The following CHST11 variants were observed in gnomAD, a reference collection of about 807,000 sequenced individuals.
CHST11 encodes the protein C4S-1.
CHST11 carries 9 observed loss-of-function variants against 30.4 expected under a neutral mutation model. The observed-to-expected ratio is 0.30, with a 90% confidence interval of 0.18 to 0.52. The LOEUF (loss-of-function observed/expected upper bound fraction) is 0.52, where lower values mean the gene tolerates loss of function less well. CHST11 is among the 20% of genes least tolerant of loss of function. The pLI is 0.97. For missense variants in CHST11, 348 were observed against 460.6 expected, an observed-to-expected ratio of 0.76 and a Z score of 2.24; for synonymous variants, 152 against 187.8, an observed-to-expected ratio of 0.81 and a Z score of 1.56.
In CHST11 at chr12:104,533,363, T is replaced by C. The variant is rs115009737; in HGVS notation, c.119-68543T>C. ...CGTCATGGATTCCTTTGTGGTTTTG[T>C]ACTTGGCCATGCTTTATCTTGGTTG... is the stretch of plus-strand genomic sequence containing the variant. On this transcript the variant is annotated intron_variant, in intron 1 of 2. Coordinates refer to ENST00000303694, the MANE Select transcript of CHST11 (RefSeq NM_018413.6). Among the ~76,000 whole-genome samples, 1,092 of 152,324 alleles carry C rather than the reference T, an allele frequency of 7.2e-3. 10 individuals are homozygous for C. Among genetic ancestry groups the C allele is most frequent in the African/African-American group, 0.024 (993 of 41,564 alleles).
chr12:104,721,383 G>T (rs1015979528), intron 2 of CHST11, among the ~76,000 whole-genome samples: 2 of 152,200 alleles, frequency 1.3e-5, no homozygotes, highest in African/African-American at 4.8e-5. Flanking sequence ...TGGGTCCAGG[G>T]CCCCACTGGC....
At chr12:104,610,521 T>C (rs10861250) in intron 2 of CHST11, among the ~76,000 whole-genome samples, 33,290 of 152,224 alleles carry the variant, frequency 0.22, 4,350 homozygotes, top group East Asian at 0.43. Context: ...GTAACACAGC[T>C]GTACAATCTG....
rs1458742221 is a variant in CHST11, at chr12:104,681,845, T to C, written c.205-75104T>C. Among the ~76,000 whole-genome samples the C allele has an allele frequency of 2.1e-5, 3 of 145,026 alleles. No homozygotes were observed. The South Asian group carries it at 6.7e-4, about 32-fold the overall frequency. On this transcript the variant is annotated intron_variant, in intron 2 of 2. Coordinates refer to ENST00000303694, the MANE Select transcript of CHST11 (RefSeq NM_018413.6). ...TTTTGCTTTTTTTTTTTTTTTTTTT[T>C]TTTGAGATGGAGTCTCGCTCTGTCG... is the stretch of plus-strand genomic sequence containing the variant.
At chr12:104,581,111 A>G (rs1482732011) in intron 1 of CHST11, among the ~76,000 whole-genome samples, 1 of 152,132 alleles carries the variant, frequency 6.6e-6, no homozygotes, top group East Asian at 1.9e-4. Context: ...TGCAGGAGCT[A>G]CTTCTCCCAT....
intron 1 of CHST11, among the ~76,000 whole-genome samples, chr12:104,524,837 A>C (rs2038108590): frequency 6.6e-6 from 1 of 152,166 alleles, no homozygotes; most frequent in Non-Finnish European, 1.5e-5. Context: ...TTTTAAGTCA[A>C]ATTCTTCCTT....
intron 2 of CHST11, among the ~76,000 whole-genome samples, chr12:104,656,595 C>T (rs1029446297): frequency 6.6e-6 from 1 of 152,204 alleles, no homozygotes; most frequent in African/African-American, 2.4e-5. Flanking sequence ...GTGGAATTTG[C>T]ACCGCAGGAC....
chr12:104,632,857 G>A (rs942766378), intron 2 of CHST11, among the ~76,000 whole-genome samples: 2 of 152,232 alleles, frequency 1.3e-5, no homozygotes, highest in Non-Finnish European at 2.9e-5. Context: ...TGAAGCTATC[G>A]CTGACGTTAA....
At chr12:104,502,252 G>T (rs1311543047) in intron 1 of CHST11, among the ~76,000 whole-genome samples, 1 of 151,928 alleles carries the variant, frequency 6.6e-6, no homozygotes, top group Admixed American at 6.6e-5. Context: ...TTGCTGTGTT[G>T]CCAAGGCTGG....
intron 1 of CHST11, among the ~76,000 whole-genome samples, chr12:104,539,022 G>T (rs888124537): frequency 2.0e-5 from 3 of 152,234 alleles, no homozygotes; most frequent in African/African-American, 7.2e-5. Context: ...CAAGAGAGTT[G>T]TCGTGCCCAG....
At position 104,458,548 on chromosome 12, in the gene CHST11, G is replaced by A. The variant is rs1388834308; in HGVS notation, c.118+1019G>A. Among the ~76,000 whole-genome samples, 1 of 152,220 alleles carries A rather than the reference G, an allele frequency of 6.6e-6. No homozygotes were observed. The highest frequency in any genetic ancestry group is 1.5e-5 in the Non-Finnish European group (1 of 68,038). On this transcript the variant is annotated intron_variant, in intron 1 of 2. Transcript: ENST00000303694. The surrounding 1 kb of genome is among the most constrained non-coding windows in gnomAD (Gnocchi z 5.7). ...CGCGGCGGCCGGGGGTGAGCAGCTC[G>A]GCTGCGAAGCCCAACAGGTAGAACG...
At chr12:104,476,433 C>T (rs1022423368) in intron 1 of CHST11, among the ~76,000 whole-genome samples, 2 of 151,738 alleles carry the variant, frequency 1.3e-5, no homozygotes, top group South Asian at 2.1e-4. Context: ...CATGTAGCAC[C>T]GAATCATGGG....
At chr12:104,695,581 GGGGAGC>G (rs1328881296) in intron 2 of CHST11, among the ~76,000 whole-genome samples, 3 of 152,142 alleles carry the variant, frequency 2.0e-5, no homozygotes, top group Non-Finnish European at 4.4e-5. Context: ...AGCTGCAAGC[GGGGAGC>G]TTCCAGACAT....
At chr12:104,674,706 G>T (rs2039724332) in intron 2 of CHST11, among the ~76,000 whole-genome samples, 1 of 151,862 alleles carries the variant, frequency 6.6e-6, no homozygotes, top group African/African-American at 2.4e-5. Flanking sequence ...TTTGCTAACG[G>T]ATTAGACTTT....
chr12:104,635,476 G>T lies in CHST11; in HGVS notation c.204+33485G>T, dbSNP rs1412804406. On this transcript the variant is annotated intron_variant, in intron 2 of 2. Coordinates refer to ENST00000303694, the MANE Select transcript of CHST11 (RefSeq NM_018413.6). Reference sequence around the variant, plus strand: ...CAAGCAGTCATCTCATCACAGGGGGGTTGGAAGGAGAATTCAGGAGCCAAA... The same window carrying T: ...CAAGCAGTCATCTCATCACAGGGGGTTTGGAAGGAGAATTCAGGAGCCAAA... Among the ~76,000 whole-genome samples, 3 of 152,296 alleles carry T rather than the reference G, an allele frequency of 2.0e-5. No individual in the cohort carries two copies. The South Asian group carries it at 6.2e-4, about 32-fold the overall frequency.
chr12:104,585,671 G>C (rs941558782), intron 1 of CHST11, among the ~76,000 whole-genome samples: 6 of 152,200 alleles, frequency 3.9e-5, no homozygotes, highest in African/African-American at 1.4e-4. Flanking sequence ...GTATCAGTTT[G>C]CTAGGGCTGC....
chr12:104,530,324 C>T (rs912190387), intron 1 of CHST11, among the ~76,000 whole-genome samples: 2 of 152,140 alleles, frequency 1.3e-5, no homozygotes, highest in African/African-American at 4.8e-5. Flanking sequence ...CTATAAATTC[C>T]TCCACGTCCT....
At chr12:104,597,501 T>G (rs1227293080) in intron 1 of CHST11, among the ~76,000 whole-genome samples, 1 of 152,212 alleles carries the variant, frequency 6.6e-6, no homozygotes, top group Non-Finnish European at 1.5e-5. Context: ...CATAGCCTAA[T>G]GCTACTGGCA....
chr12:104,619,510 C>T (rs1276278195), intron 2 of CHST11, among the ~76,000 whole-genome samples: 1 of 152,098 alleles, frequency 6.6e-6, no homozygotes, highest in East Asian at 1.9e-4. Context: ...TATTTTTAGC[C>T]ACTCCACTGG....
chr12:104,640,718 T>C (rs1375892026), intron 2 of CHST11, among the ~76,000 whole-genome samples: 3 of 152,170 alleles, frequency 2.0e-5, no homozygotes, highest in South Asian at 2.1e-4. Flanking sequence ...ATGTAAACTA[T>C]GGACTTCAAT....
Sources: gnomAD v4.1 joint callset for allele counts (sites outside exome capture counted in the v4.1 genomes callset) on GRCh38, gnomAD v4.1.1 for gene constraint, Gnocchi (gnomAD v3.1) non-coding constraint, MANE v1.5 for transcripts, NCBI Gene and HGNC (gene_info 2026-07-23, HGNC 2026-07-21) for gene names.